The following ARHGAP6 variants were observed in gnomAD, a reference collection of about 807,000 sequenced individuals.
ARHGAP6 encodes rho GTPase-activating protein 6.
In ARHGAP6, 16 loss-of-function variants were observed where a neutral mutation model predicts 55.7. The observed-to-expected ratio is 0.29, with a 90% CI of 0.19 to 0.44. ARHGAP6 has a LOEUF of 0.44. ARHGAP6 is among the 20% of genes least tolerant of loss of function. ARHGAP6 has a pLI of 1.00. For synonymous variants in ARHGAP6, 382 were observed against 360.9 expected (o/e 1.06, Z -0.66); for missense variants, 698 against 808.9 (o/e 0.86, Z 1.66).
chrX:11,625,565 C>T (rs1018179511), intron 1 of ARHGAP6, among the ~76,000 whole-genome samples: 5 of 110,389 alleles, frequency 4.5e-5, no homozygotes, highest in Non-Finnish European at 9.5e-5. Flanking sequence ...GAAGAGGGCT[C>T]GGCTAATAAA....
chrX:11,213,535 A>T (rs1161529969), intron 2 of ARHGAP6, among the ~76,000 whole-genome samples: 1 of 112,799 alleles, frequency 8.9e-6, no homozygotes, highest in Non-Finnish European at 1.9e-5. Context: ...GGATAAAGAA[A>T]ATGTGGTTTA....
chrX:11,551,331 A>G (rs5979411), intron 1 of ARHGAP6, among the ~76,000 whole-genome samples: 27,318 of 111,072 alleles, frequency 0.25, 2,581 homozygotes, highest in Middle Eastern at 0.33. Flanking sequence ...ATAGTCATCT[A>G]CAGGCTAATT....
chrX:11,155,911 C>T (rs1340682590), intron 10 of ARHGAP6, among the ~76,000 whole-genome samples: 2 of 112,609 alleles, frequency 1.8e-5, no homozygotes, highest in Non-Finnish European at 3.8e-5. Context: ...CTGTGCTCCT[C>T]TTTTGGGAGC....
chrX:11,162,361 A>G (rs934651361), intron 9 of ARHGAP6, among the ~76,000 whole-genome samples: 1 of 88,854 alleles, frequency 1.1e-5, no homozygotes, highest in African/African-American at 4.3e-5. Context: ...ACTGTGTCAC[A>G]TAATAAATGC....
intron 1 of ARHGAP6, among the ~76,000 whole-genome samples, chrX:11,389,727 T>C (rs2049378998): frequency 8.9e-6 from 1 of 112,383 alleles, no homozygotes; most frequent in Admixed American, 9.4e-5. Context: ...ACTTGGTAAA[T>C]TTGCTCACTT....
At chrX:11,276,478 A>G (rs1217179262) in intron 1 of ARHGAP6, among the ~76,000 whole-genome samples, 2 of 112,288 alleles carry the variant, frequency 1.8e-5, no homozygotes, top group African/African-American at 3.2e-5. Flanking sequence ...TATTTAGGAC[A>G]TTTATTTTAA....
chrX:11,583,325 T>G (rs1202385479), intron 1 of ARHGAP6, among the ~76,000 whole-genome samples: 1 of 112,151 alleles, frequency 8.9e-6, no homozygotes, highest in Non-Finnish European at 1.9e-5. Flanking sequence ...GTTTTGACAG[T>G]AGGTGATGCT....
chrX:11,555,694 C>T (rs2051313871), intron 1 of ARHGAP6, among the ~76,000 whole-genome samples: 2 of 110,844 alleles, frequency 1.8e-5, no homozygotes, highest in Non-Finnish European at 3.8e-5. Flanking sequence ...TTGCAGTGAG[C>T]CAAGATCATG....
intron 1 of ARHGAP6, among the ~76,000 whole-genome samples, chrX:11,539,579 C>G (rs972675539): frequency 8.9e-6 from 1 of 111,951 alleles, no homozygotes; most frequent in African/African-American, 3.3e-5. Flanking sequence ...CGAGAGTAAA[C>G]AGCTTTTTCT....
In ARHGAP6 at chrX:11,451,961, G is replaced by T. The variant is rs182516779; in HGVS notation, c.589-197254C>A. On this transcript the variant is annotated intron_variant, in intron 1 of 12. Transcript: ENST00000337414. ...GGAAAACAAGAAAAACCACAATTAC[G>T]TATCAACCCCTGACCCCAGACTTCT... Among the ~76,000 whole-genome samples the T allele has an allele frequency of 3.6e-5, 4 of 111,708 alleles. No individual in the cohort carries two copies. In the Admixed American group the frequency reaches 3.8e-4, roughly 11 times the overall value.
intron 1 of ARHGAP6, among the ~76,000 whole-genome samples, chrX:11,504,479 A>G (rs749741497): frequency 3.6e-5 from 4 of 111,949 alleles, no homozygotes; most frequent in Non-Finnish European, 7.5e-5. Flanking sequence ...CCTCTGGTGG[A>G]TAAAATTACC....
chrX:11,608,971 C>A (rs1304115212), intron 1 of ARHGAP6, among the ~76,000 whole-genome samples: 1 of 111,391 alleles, frequency 9.0e-6, no homozygotes, highest in Non-Finnish European at 1.9e-5. Flanking sequence ...TATGGGGCAC[C>A]AGGAATGGCA....
chrX:11,431,434 C>G (rs1419595575), intron 1 of ARHGAP6, among the ~76,000 whole-genome samples: 1 of 112,823 alleles, frequency 8.9e-6, no homozygotes, highest in East Asian at 2.8e-4. Flanking sequence ...AATGCCAATG[C>G]AAGGGTGATT....
In ARHGAP6 at chrX:11,253,264, A is replaced by C. The variant is rs1406455444; in HGVS notation, c.748+1284T>G. ...TCCCCAGGGCATGGGGAGCAAAATC[A>C]ACCCTGCTTGAGAACCACCTATTTG... is the stretch of plus-strand genomic sequence containing the variant. On this transcript the variant is annotated intron_variant, in intron 2 of 12. Coordinates refer to ENST00000337414, the MANE Select transcript of ARHGAP6 (RefSeq NM_013427.3). Among the ~76,000 whole-genome samples the C allele has an allele frequency of 2.7e-5, 3 of 111,214 alleles. No homozygotes were observed. In the South Asian group the frequency reaches 1.2e-3, roughly 43 times the overall value.
rs779905686 is a variant in ARHGAP6 at position 11,427,128 on chromosome X, T to C, written c.589-172421A>G. ...GGCAGCATTTCTTCAGCAAATCCAC[T>C]CGCCGCACACTGAGATCATGAAGCG... On this transcript the variant is annotated intron_variant, in intron 1 of 12. Transcript: ENST00000337414. 2.7e-5 allele frequency among the ~76,000 whole-genome samples: 3 copies of C among 111,374 alleles called. No individual in the cohort carries two copies. In the South Asian group the frequency reaches 1.2e-3, roughly 44 times the overall value.
At chrX:11,506,736 A>C (rs767815372) in intron 1 of ARHGAP6, among the ~76,000 whole-genome samples, 1 of 111,419 alleles carries the variant, frequency 9.0e-6, no homozygotes, top group East Asian at 2.8e-4. Context: ...ATGATTTATA[A>C]TCCTTTGGGT....
chrX:11,443,227 C>T (rs1022873269), intron 1 of ARHGAP6, among the ~76,000 whole-genome samples: 1 of 112,541 alleles, frequency 8.9e-6, no homozygotes, highest in Non-Finnish European at 1.9e-5. Context: ...TAGCAGGTAG[C>T]GAGACTCCTC....
chrX:11,210,395 CTTTT>C (rs1267301583), intron 2 of ARHGAP6, among the ~76,000 whole-genome samples: 1 of 112,184 alleles, frequency 8.9e-6, no homozygotes, highest in East Asian at 2.8e-4. Context: ...AGGAGTCTGA[CTTTT>C]TTTTCTAAGT....
chrX:11,534,928 TGGG>T (rs1422161346), intron 1 of ARHGAP6, among the ~76,000 whole-genome samples: 1 of 111,502 alleles, frequency 9.0e-6, no homozygotes, highest in African/African-American at 3.3e-5. Flanking sequence ...AACAGCTCCA[TGGG>T]GTTAAGGGCT....
Sources: gnomAD v4.1 joint callset for allele counts (sites outside exome capture counted in the v4.1 genomes callset) on GRCh38, gnomAD v4.1.1 for gene constraint, MANE v1.5 for transcripts, NCBI Gene and HGNC (gene_info 2026-07-23, HGNC 2026-07-21) for gene names.